The following GALNTL6 variants were observed in gnomAD, a reference collection of about 807,000 sequenced individuals.
GALNTL6 encodes the protein polypeptide N-acetylgalactosaminyltransferase-like 6.
In GALNTL6, 46 loss-of-function variants were observed where a neutral mutation model predicts 73.7. The ratio of observed to expected loss-of-function variants is 0.62; its 90% CI spans 0.49 to 0.80. The LOEUF (loss-of-function observed/expected upper bound fraction) is 0.80, where lower values mean the gene tolerates loss of function less well. Ranked by LOEUF, GALNTL6 falls within the 30% of genes least tolerant of loss-of-function variation. The probability of loss-of-function intolerance (pLI) is 0.00; values close to 1 mark genes in which losing one functional copy is unlikely to be tolerated. For synonymous variants in GALNTL6, 259 were observed against 263.7 expected (o/e 0.98, Z 0.17); for missense variants, 604 against 755.0 (o/e 0.80, Z 2.34).
chr4:172,468,619 A>G (rs946827903), intron 5 of GALNTL6, among the ~76,000 whole-genome samples: 3 of 152,228 alleles, frequency 2.0e-5, no homozygotes, highest in African/African-American at 4.8e-5. Flanking sequence ...GTCTCCTCCT[A>G]TAATAGTCCT....
chr4:171,824,077 T>TTATATTTATATATATATA (rs1553962445), intron 2 of GALNTL6, among the ~76,000 whole-genome samples: 1 of 129,218 alleles, frequency 7.7e-6, no homozygotes, highest in East Asian at 2.2e-4. Context: ...CAAATCCATT[T>TTATATTTATATATATATA]TATATATATA....
intron 2 of GALNTL6, among the ~76,000 whole-genome samples, chr4:171,933,174 T>C (rs1000201155): frequency 2.6e-5 from 4 of 152,252 alleles, no homozygotes; most frequent in Non-Finnish European, 5.9e-5. Flanking sequence ...CCATCCGTTA[T>C]AACGTTTAGT....
rs552890083 is a variant in GALNTL6 at position 172,158,255 on chromosome 4, CA to C, written c.139-71399del. On this transcript the variant is annotated intron_variant, in intron 2 of 12. Transcript: ENST00000506823. ...ATCTTTACGTGGCAGCACTTCCCCT[CA>C]ATTTATGTGTCATGAAATTTTTTTC... Among the ~76,000 whole-genome samples, 1,136 of 152,182 alleles carry C rather than the reference CA, an allele frequency of 7.5e-3. 20 individuals carry two copies. The highest frequency in any genetic ancestry group is 0.026 in the African/African-American group (1,087 of 41,532).
intron 2 of GALNTL6, among the ~76,000 whole-genome samples, chr4:172,208,454 T>C (rs1736215455): frequency 6.6e-6 from 1 of 152,132 alleles, no homozygotes; most frequent in South Asian, 2.1e-4. Context: ...TAGAAAAATA[T>C]TACTAAATCA....
chr4:172,569,494 A>T (rs1015467495), intron 5 of GALNTL6, among the ~76,000 whole-genome samples: 1 of 152,204 alleles, frequency 6.6e-6, no homozygotes, highest in Non-Finnish European at 1.5e-5. Context: ...CGTGAAAATG[A>T]TGAGGAAAAA....
chr4:172,201,321 C>G (rs1735946645), intron 2 of GALNTL6, among the ~76,000 whole-genome samples: 1 of 152,016 alleles, frequency 6.6e-6, no homozygotes, highest in Admixed American at 6.6e-5. Context: ...ATTCCCCTGC[C>G]TCGGCCTCCC....
chr4:172,672,553 C>T (rs1043450419), intron 5 of GALNTL6, among the ~76,000 whole-genome samples: 5 of 152,222 alleles, frequency 3.3e-5, no homozygotes, highest in Non-Finnish European at 4.4e-5. Flanking sequence ...AGGCGTTCCT[C>T]CTCCTCAATT....
chr4:172,736,487 G>A (rs1158279186), intron 5 of GALNTL6, among the ~76,000 whole-genome samples: 1 of 152,200 alleles, frequency 6.6e-6, no homozygotes, highest in Admixed American at 6.5e-5. Flanking sequence ...AAGGTGCCCA[G>A]ATTTCACATT....
At chr4:172,709,653 G>A (rs1393932732) in intron 5 of GALNTL6, among the ~76,000 whole-genome samples, 1 of 152,106 alleles carries the variant, frequency 6.6e-6, no homozygotes, top group Non-Finnish European at 1.5e-5. Context: ...TTCCCACAGT[G>A]TGGGGAAAGG....
At chr4:172,998,070 G>A (rs1751876756) in intron 10 of GALNTL6, among the ~76,000 whole-genome samples, 1 of 152,110 alleles carries the variant, frequency 6.6e-6, no homozygotes, top group African/African-American at 2.4e-5. Flanking sequence ...CAAGTCCCAG[G>A]GCAAGAGAGA....
At chr4:172,789,783 G>C (rs1385485829) in intron 5 of GALNTL6, among the ~76,000 whole-genome samples, 2 of 152,174 alleles carry the variant, frequency 1.3e-5, no homozygotes, top group Non-Finnish European at 2.9e-5. Context: ...TCAGAAAGGT[G>C]GGGGAAGATT....
At chr4:171,975,700 A>G (rs1471797933) in intron 2 of GALNTL6, among the ~76,000 whole-genome samples, 1 of 152,208 alleles carries the variant, frequency 6.6e-6, no homozygotes, top group African/African-American at 2.4e-5. Context: ...CACTCTACAA[A>G]AGAACTTGCT....
chr4:172,664,870 G>C (rs1334103830), intron 5 of GALNTL6, among the ~76,000 whole-genome samples: 1 of 151,952 alleles, frequency 6.6e-6, no homozygotes, highest in African/African-American at 2.4e-5. Flanking sequence ...CCTAGAACAG[G>C]GTTTGGCAAT....
At chr4:172,061,080 A>AT (rs1236295097) in intron 2 of GALNTL6, among the ~76,000 whole-genome samples, 1 of 152,214 alleles carries the variant, frequency 6.6e-6, no homozygotes, top group Admixed American at 6.5e-5. Flanking sequence ...GGTAACAGTG[A>AT]TTACCTGAAA....
At chr4:172,181,963 T>C (rs1395162436) in intron 2 of GALNTL6, among the ~76,000 whole-genome samples, 1 of 152,036 alleles carries the variant, frequency 6.6e-6, no homozygotes, top group Non-Finnish European at 1.5e-5. Flanking sequence ...ATGATCCGCC[T>C]GACTCGGCCT....
At chr4:172,767,917 G>A (rs1738537630) in intron 5 of GALNTL6, among the ~76,000 whole-genome samples, 1 of 151,960 alleles carries the variant, frequency 6.6e-6, no homozygotes, top group Non-Finnish European at 1.5e-5. Context: ...ATCCGCCGGT[G>A]TCAGCCTCCC....
intron 2 of GALNTL6, among the ~76,000 whole-genome samples, chr4:171,959,533 T>G (rs1399034920): frequency 6.6e-6 from 1 of 151,606 alleles, no homozygotes; most frequent in Non-Finnish European, 1.5e-5. Context: ...CGCTGGGGTG[T>G]CTTCTTTTAG....
chr4:172,952,778 A>C (rs2126348942), intron 10 of GALNTL6, among the ~76,000 whole-genome samples: 1 of 152,286 alleles, frequency 6.6e-6, no homozygotes, highest in Non-Finnish European at 1.5e-5. Flanking sequence ...GGCCTCCCAA[A>C]GTTTTGGGAT....
chr4:172,602,750 G>C (rs55862800), intron 5 of GALNTL6, among the ~76,000 whole-genome samples: 5,270 of 152,218 alleles, frequency 0.035, 254 homozygotes, highest in African/African-American at 0.1. Flanking sequence ...CAAGAAATAT[G>C]AAAATGTATA....
Sources: gnomAD v4.1 joint callset for allele counts (sites outside exome capture counted in the v4.1 genomes callset) on GRCh38, gnomAD v4.1.1 for gene constraint, MANE v1.5 for transcripts, NCBI Gene and HGNC (gene_info 2026-07-23, HGNC 2026-07-21) for gene names.